The following IQSEC1 variants were observed in gnomAD, a reference collection of about 807,000 sequenced individuals.
The protein encoded by IQSEC1 is IQ motif and Sec7 domain ArfGEF 1, also known as IQ motif and SEC7 domain-containing protein 1.
IQSEC1 carries 31 observed loss-of-function variants against 91.0 expected under a neutral mutation model. The observed-to-expected ratio is 0.34, with a 90% CI of 0.26 to 0.46. The LOEUF is 0.46. Among genes scored for constraint, IQSEC1 ranks in the 20% least tolerant of loss-of-function variants. The pLI is 1.00. For missense variants in IQSEC1, 1,388 were observed against 1,575.6 expected (o/e 0.88, Z 2.02); for synonymous variants, 699 against 662.6 (o/e 1.05, Z -0.84).
intron 1 of IQSEC1, among the ~76,000 whole-genome samples, chr3:13,037,929 G>A (rs1704096890): frequency 6.6e-6 from 1 of 151,884 alleles, no homozygotes; most frequent in African/African-American, 2.4e-5. Context: ...ATGGACGGTG[G>A]GAATGATTGC....
At chr3:12,902,561 G>A (rs1452208638) in intron 13 of IQSEC1, among the ~76,000 whole-genome samples, 1 of 147,974 alleles carries the variant, frequency 6.8e-6, no homozygotes, top group East Asian at 2.0e-4. Flanking sequence ...GCACAGAGGA[G>A]AAGCTGACAT....
intron 1 of IQSEC1, among the ~76,000 whole-genome samples, chr3:13,277,979 T>C (rs1414493936): frequency 6.6e-6 from 1 of 152,142 alleles, no homozygotes; most frequent in Non-Finnish European, 1.5e-5. Context: ...CTCCTGCCCA[T>C]TAGGACAATC....
At chr3:13,128,860 G>C (rs1322105277) in intron 2 of IQSEC1, among the ~76,000 whole-genome samples, 4 of 126,510 alleles carry the variant, frequency 3.2e-5, no homozygotes, top group Non-Finnish European at 6.3e-5. Flanking sequence ...CCGGGTGACA[G>C]AGCAAGACTC....
At chr3:12,986,678 G>A (rs544420050) in intron 1 of IQSEC1, among the ~76,000 whole-genome samples, 14 of 152,334 alleles carry the variant, frequency 9.2e-5, no homozygotes, top group African/African-American at 3.4e-4. Context: ...CAGGGTCTAG[G>A]GGGCAGGCTA....
intron 2 of IQSEC1, among the ~76,000 whole-genome samples, chr3:13,135,057 G>A (rs550713904): frequency 3.3e-5 from 5 of 152,208 alleles, no homozygotes; most frequent in African/African-American, 9.6e-5. Flanking sequence ...GGTAAGCACC[G>A]TGCATGCAGG....
chr3:13,018,151 G>A (rs552029876), intron 1 of IQSEC1, among the ~76,000 whole-genome samples: 165 of 152,348 alleles, frequency 1.1e-3, no homozygotes, highest in Non-Finnish European at 1.9e-3. Flanking sequence ...AAATGTCCTC[G>A]CGTCAGAGCT....
In IQSEC1 at chr3:12,936,139, T is replaced by C; in HGVS notation, c.877A>G (p.Ile293Val). 1 of 1,612,406 alleles carries C rather than the reference T, an allele frequency of 6.2e-7. No homozygotes were observed. Residue 293 changes from isoleucine (I) to valine (V), a missense_variant, in exon 3 of 14, where the codon ATC becomes GTC. By Grantham distance (29) the Ile-to-Val change is conservative. Coordinates refer to ENST00000613206, the MANE Select transcript of IQSEC1 (RefSeq NM_001134382.3). ...GGGGGCGACAGCTCCTCCTCATCGATGTACAGGGTGACATCACTGTACGAG... is the reference window on the plus strand; with the variant it reads ...GGGGGCGACAGCTCCTCCTCATCGACGTACAGGGTGACATCACTGTACGAG... ...TASYSDVTLY[I>V]DEEELSPPLP...
chr3:13,066,443 G>A (rs1433782097), intron 1 of IQSEC1, among the ~76,000 whole-genome samples: 1 of 152,258 alleles, frequency 6.6e-6, no homozygotes, highest in Non-Finnish European at 1.5e-5. Context: ...GGAGCTCTAT[G>A]AGGGGGCCCA....
chr3:12,991,393 T>C (rs73813755), intron 1 of IQSEC1, among the ~76,000 whole-genome samples: 1,977 of 152,272 alleles, frequency 0.013, 45 homozygotes, highest in African/African-American at 0.045. Context: ...TCTCACTGCA[T>C]GGTGGTAATG....
intron 1 of IQSEC1, among the ~76,000 whole-genome samples, chr3:13,202,850 A>T (rs1476184758): frequency 6.6e-6 from 1 of 152,222 alleles, no homozygotes; most frequent in Non-Finnish European, 1.5e-5. Context: ...GGCTGGAAAG[A>T]GTCATATCAC....
rs1695758053 is a variant in IQSEC1 at position 12,913,436 on chromosome 3, G to A, written c.2308C>T (p.Leu770Phe). The change falls in exon 9 of 14, where the codon CTC becomes TTC. Residue 770 changes from leucine (L) to phenylalanine (F), a missense_variant. Leu to Phe is a conservative substitution (Grantham distance 22). Transcript: ENST00000613206. ...HQREIFLFND[L>F]LVVTKIFQKK... ...GTGGGTGAGCCACATACCACCAGGA[G>A]GTCGTTGAACAGGAAGATTTCTCGC... 3 of 1,597,550 alleles carry A rather than the reference G, an allele frequency of 1.9e-6. No individual in the cohort carries two copies. Among genetic ancestry groups the A allele is most frequent in the Admixed American group, 1.7e-5 (1 of 58,872 alleles).
At chr3:12,981,350 C>A (rs1373230808) in intron 1 of IQSEC1, among the ~76,000 whole-genome samples, 1 of 152,156 alleles carries the variant, frequency 6.6e-6, no homozygotes, top group Non-Finnish European at 1.5e-5. Flanking sequence ...GGCATTGCCA[C>A]ATTTGTGTTT....
chr3:12,936,365 G>A lies in IQSEC1; in HGVS notation c.651C>T (p.Asp217=). ...CCAGCTCGGTGATGGCGTCCGCAAA[G>A]TCACTGGAGGGGGCCGGAGACTTGA... The part of the protein sequence containing the change: ...TTLKSPAPSS[D]FADAITELED... Residue 217 remains aspartate (D), a synonymous_variant, in exon 3 of 14, where the codon GAC becomes GAT. Coordinates refer to ENST00000613206, the MANE Select transcript of IQSEC1 (RefSeq NM_001134382.3). 6.2e-7 allele frequency: 1 copy of A among 1,601,954 alleles called. No homozygotes were observed. The highest frequency in any genetic ancestry group is 8.5e-7 in the Non-Finnish European group (1 of 1,171,916).
chr3:12,999,199 T>C (rs959816328), intron 1 of IQSEC1, among the ~76,000 whole-genome samples: 3 of 152,038 alleles, frequency 2.0e-5, no homozygotes, highest in African/African-American at 7.3e-5. Context: ...GTCCCCTCTA[T>C]CAAGAAGCAT....
At chr3:13,121,725 G>C (rs1353682815) in intron 2 of IQSEC1, among the ~76,000 whole-genome samples, 1 of 152,208 alleles carries the variant, frequency 6.6e-6, no homozygotes, top group African/African-American at 2.4e-5. Flanking sequence ...GAGAGAATGG[G>C]GCAGGTCAGT....
intron 2 of IQSEC1, among the ~76,000 whole-genome samples, chr3:13,114,101 A>G (rs946331782): frequency 6.6e-6 from 1 of 152,260 alleles, no homozygotes; most frequent in African/African-American, 2.4e-5. Flanking sequence ...TGCTCCAGAC[A>G]TGACAGCAGA....
At chr3:12,938,915 G>T (rs1408638399) in intron 2 of IQSEC1, among the ~76,000 whole-genome samples, 1 of 152,186 alleles carries the variant, frequency 6.6e-6, no homozygotes, top group African/African-American at 2.4e-5. Context: ...CCCCCAGGGG[G>T]ACACACATGG....
At chr3:13,015,472 C>T (rs750977720) in intron 1 of IQSEC1, 2 of 695,610 alleles carry the variant, frequency 2.9e-6, no homozygotes, top group Admixed American at 6.3e-5. Flanking sequence ...CTGACGACAG[C>T]CCCCAAGACC....
intron 2 of IQSEC1, among the ~76,000 whole-genome samples, chr3:13,142,108 TCATCC>T (rs1309428931): frequency 6.6e-6 from 1 of 152,212 alleles, no homozygotes; most frequent in East Asian, 1.9e-4. Flanking sequence ...TCAGCTCAGG[TCATCC>T]CCTCCATGGG....
Sources: allele counts gnomAD v4.1 joint callset (sites outside exome capture counted in the v4.1 genomes callset), GRCh38; gene constraint gnomAD v4.1.1; transcripts MANE v1.5; gene names NCBI Gene and HGNC (gene_info 2026-07-23, HGNC 2026-07-21).